The following SLC38A1 variants were observed in gnomAD, a reference collection of about 807,000 sequenced individuals.
SLC38A1 encodes the protein sodium-coupled neutral amino acid symporter 1.
In SLC38A1, 18 loss-of-function variants were observed where a neutral mutation model predicts 60.3. The observed-to-expected ratio is 0.30, with a 90% CI of 0.21 to 0.44. The LOEUF (loss-of-function observed/expected upper bound fraction) is 0.44. Ranked by LOEUF, SLC38A1 falls within the 20% of genes least tolerant of loss-of-function variation. The pLI, the probability that SLC38A1 is intolerant of heterozygous loss-of-function variation, is 1.00. For missense variants in SLC38A1, 448 were observed against 587.2 expected (o/e 0.76, Z 2.45); for synonymous variants, 196 against 212.1 (o/e 0.92, Z 0.66).
chr12:46,262,387 AC>A (rs1015051141), intron 1 of SLC38A1, among the ~76,000 whole-genome samples: 9 of 152,270 alleles, frequency 5.9e-5, no homozygotes, highest in South Asian at 2.1e-4. Context: ...TAAAAAAAAA[AC>A]ACCAAAAGAA....
intron 5 of SLC38A1, among the ~76,000 whole-genome samples, chr12:46,227,106 A>C (rs1940898386): frequency 6.6e-6 from 1 of 152,188 alleles, no homozygotes; most frequent in African/African-American, 2.4e-5. Context: ...AATCAGAAGC[A>C]TATAGGACTT....
chr12:46,228,354 AATG>A (rs1344544889), intron 5 of SLC38A1, among the ~76,000 whole-genome samples: 1 of 152,160 alleles, frequency 6.6e-6, no homozygotes, highest in African/African-American at 2.4e-5. Flanking sequence ...CTTGTAAGGA[AATG>A]ATGCTCCTGT....
intron 16 of SLC38A1, among the ~76,000 whole-genome samples, chr12:46,194,442 G>A (rs1317478370): frequency 6.6e-6 from 1 of 152,090 alleles, no homozygotes; most frequent in African/African-American, 2.4e-5. Flanking sequence ...GTATCTTTGT[G>A]GTGTTCTCTG....
intron 5 of SLC38A1, among the ~76,000 whole-genome samples, chr12:46,218,936 G>C (rs1940536324): frequency 6.6e-6 from 1 of 152,150 alleles, no homozygotes. Flanking sequence ...CTGATACATG[G>C]AGTACAGCTC....
At chr12:46,264,620 T>A (rs186784649) in intron 1 of SLC38A1, among the ~76,000 whole-genome samples, 2 of 152,198 alleles carry the variant, frequency 1.3e-5, no homozygotes, top group African/African-American at 4.8e-5. Flanking sequence ...ACTTAAAATT[T>A]TTTTATTTCA....
chr12:46,229,402 T>C, intron 4 of SLC38A1, 134 bp from the exon 5 acceptor site: 2 of 803,882 alleles, frequency 2.5e-6, no homozygotes, highest in Non-Finnish European at 4.0e-6. Flanking sequence ...GTTATCTAGT[T>C]ATTTCCTTGA....
chr12:46,229,732 T>G, intron 3 of SLC38A1, 93 bp from the exon 4 acceptor site: 2 of 1,097,644 alleles, frequency 1.8e-6, no homozygotes, highest in South Asian at 1.3e-5. Flanking sequence ...AAAACATACA[T>G]GAACAGTTAC....
chr12:46,229,727 A>G, intron 3 of SLC38A1, 88 bp from the exon 4 acceptor site: 1 of 1,128,468 alleles, frequency 8.9e-7, no homozygotes. Context: ...TCATCAAAAC[A>G]TACATGAACA....
chr12:46,235,848 A>T (rs183281751), intron 3 of SLC38A1, among the ~76,000 whole-genome samples: 27 of 152,354 alleles, frequency 1.8e-4, no homozygotes, highest in Non-Finnish European at 3.5e-4. Flanking sequence ...AATAGCAATA[A>T]GTATACAGAA....
At chr12:46,224,352 T>A (rs1433292261) in intron 5 of SLC38A1, among the ~76,000 whole-genome samples, 1 of 152,092 alleles carries the variant, frequency 6.6e-6, no homozygotes, top group African/African-American at 2.4e-5. Flanking sequence ...GCACCATTCT[T>A]ACAACAGGAC....
At chr12:46,245,486 A>G (rs1319298154) in intron 1 of SLC38A1, among the ~76,000 whole-genome samples, 2 of 152,238 alleles carry the variant, frequency 1.3e-5, no homozygotes, top group Non-Finnish European at 2.9e-5. Flanking sequence ...GGTATGGAGA[A>G]AAGGAAATCT....
intron 3 of SLC38A1, 122 bp downstream of exon 3, chr12:46,239,557 G>A (rs1941372354): frequency 1.9e-6 from 2 of 1,045,154 alleles, no homozygotes; most frequent in Admixed American, 3.7e-5. Flanking sequence ...TGGTCAGGCT[G>A]GTCTCGAATT....
chr12:46,223,452 T>TCA (rs146387838), intron 5 of SLC38A1, among the ~76,000 whole-genome samples: 9,927 of 145,806 alleles, frequency 0.068, 494 homozygotes, highest in East Asian at 0.3. Flanking sequence ...TCTCTCACAT[T>TCA]CACACACACA....
rs1387912597 is a variant in SLC38A1 at position 46,258,845 on chromosome 12, GGT to G, written c.-209+9679_-209+9680del. Among the ~76,000 whole-genome samples, 19 of 152,254 alleles carry G rather than the reference GGT, an allele frequency of 1.2e-4. No homozygotes were observed. The South Asian group carries it at 3.9e-3, about 32-fold the overall frequency. On this transcript the variant is annotated intron_variant, in intron 1 of 16. Transcript: ENST00000398637. ...ATTTTTATATTTTCAGTGGAGATGG[GGT>G]TTCACTATGTTGGCCAGGCTGGTCT...
chr12:46,213,606 A>T (rs540837278), intron 5 of SLC38A1, among the ~76,000 whole-genome samples: 26 of 152,304 alleles, frequency 1.7e-4, no homozygotes, highest in African/African-American at 6.3e-4. Flanking sequence ...TATCTAGTTC[A>T]TTGGCAAGTG....
intron 1 of SLC38A1, chr12:46,254,922 A>G (rs1941972022): frequency 6.6e-6 from 1 of 152,608 alleles, no homozygotes; most frequent in African/African-American, 2.4e-5. Flanking sequence ...AAATAGCTCA[A>G]AAGTTTCCTT....
intron 3 of SLC38A1, among the ~76,000 whole-genome samples, chr12:46,237,485 G>GA (rs1057031809): frequency 1.8e-4 from 27 of 149,862 alleles, no homozygotes; most frequent in Non-Finnish European, 4.4e-5. Context: ...GGGAAATAAA[G>GA]AAAAACAAAC....
At position 46,183,640 on chromosome 12, in the gene SLC38A1, C is replaced by A. The variant is rs1211624983; in HGVS notation, c.*5330G>T. Reference sequence around the variant, plus strand: ...GGTATCAGTGTTAAAAATGGAAGATCATTATGAAGAAACAATTTGTCATTT... The same window carrying A: ...GGTATCAGTGTTAAAAATGGAAGATAATTATGAAGAAACAATTTGTCATTT... On this transcript the variant is annotated 3_prime_UTR_variant, in exon 17 of 17. Coordinates refer to ENST00000398637, the MANE Select transcript of SLC38A1 (RefSeq NM_030674.4). The A allele has an allele frequency of 6.6e-6, 1 of 152,242 alleles. No individual in the cohort carries two copies. Among genetic ancestry groups the A allele is most frequent in the East Asian group, 1.9e-4 (1 of 5,188 alleles). 9.4% of individuals were successfully genotyped at this position (152,242 alleles called of 1,614,324 possible). A position where few individuals can be genotyped will look rare whatever the true frequency, so the allele number is the denominator to read the frequency against.
At chr12:46,255,086 C>G (rs546442755) in intron 1 of SLC38A1, 1 of 152,156 alleles carries the variant, frequency 6.6e-6, no homozygotes, top group African/African-American at 2.4e-5. Context: ...AGTTTTTCTT[C>G]TATTCTAATG....
Sources: gnomAD v4.1 joint callset for allele counts (sites outside exome capture counted in the v4.1 genomes callset) on GRCh38, gnomAD v4.1.1 for gene constraint, MANE v1.5 for transcripts, NCBI Gene and HGNC (gene_info 2026-07-23, HGNC 2026-07-21) for gene names.